The following KSR1 variants were observed in gnomAD, a reference collection of about 807,000 sequenced individuals.
KSR1 encodes the protein kinase suppressor of ras.
A neutral mutation model predicts 92.9 loss-of-function variants in KSR1; 35 were observed. The ratio of observed to expected loss-of-function variants is 0.38; its 90% CI spans 0.29 to 0.50. The LOEUF (loss-of-function observed/expected upper bound fraction) is 0.50. Among genes scored for constraint, KSR1 ranks in the 20% least tolerant of loss-of-function variants. The pLI, the probability that KSR1 is intolerant of heterozygous loss-of-function variation, is 0.94. For missense variants in KSR1, 972 were observed against 1,158.5 expected (o/e 0.84, Z 2.34); for synonymous variants, 467 against 472.6 (o/e 0.99, Z 0.15).
At chr17:27,475,665 C>G (rs1188559905) in intron 1 of KSR1, among the ~76,000 whole-genome samples, 2 of 152,194 alleles carry the variant, frequency 1.3e-5, no homozygotes, top group South Asian at 4.1e-4. Context: ...AGGGGTGTTC[C>G]TCCTGAGGCA....
At chr17:27,622,040 G>A (rs1440070368) in intron 20 of KSR1, 2 of 1,011,222 alleles carry the variant, frequency 2.0e-6, no homozygotes, top group African/African-American at 1.6e-5. Context: ...CTAACCCAGG[G>A]GATGCCACCT....
At chr17:27,490,876 C>T (rs761669850) in intron 1 of KSR1, among the ~76,000 whole-genome samples, 1 of 152,068 alleles carries the variant, frequency 6.6e-6, no homozygotes, top group Non-Finnish European at 1.5e-5. Context: ...GTTAGAGACA[C>T]CTAAATGTCC....
At chr17:27,468,841 C>G (rs1231399300) in intron 1 of KSR1, among the ~76,000 whole-genome samples, 1 of 152,226 alleles carries the variant, frequency 6.6e-6, no homozygotes, top group Admixed American at 6.5e-5. Flanking sequence ...GGTGCTTTCC[C>G]TGTCCCACAG....
chr17:27,604,072 C>T (rs992351920), intron 12 of KSR1, among the ~76,000 whole-genome samples, 184 bp downstream of exon 12: 12 of 152,114 alleles, frequency 7.9e-5, no homozygotes, highest in Non-Finnish European at 1.3e-4. Flanking sequence ...CCTATCAGTG[C>T]GGTCAACATT....
At chr17:27,593,308 A>G (rs184720502) in intron 9 of KSR1, among the ~76,000 whole-genome samples, 28 of 152,376 alleles carry the variant, frequency 1.8e-4, no homozygotes, top group African/African-American at 5.3e-4. Context: ...GGGAGGTGCC[A>G]GTGCTGATGG....
chr17:27,617,462 C>G (rs1567895459), intron 19 of KSR1, 34 bp downstream of exon 19: 2 of 1,586,578 alleles, frequency 1.3e-6, no homozygotes, highest in East Asian at 4.5e-5. Flanking sequence ...GACTGCCAGC[C>G]AGGCCCTCGC....
intron 1 of KSR1, among the ~76,000 whole-genome samples, chr17:27,549,803 TATC>T (rs1490969186): frequency 6.6e-6 from 1 of 152,148 alleles, no homozygotes; most frequent in African/African-American, 2.4e-5. Flanking sequence ...CAGCTTCTAT[TATC>T]CCCATTTTTC....
At chr17:27,499,504 A>G (rs1446598737) in intron 1 of KSR1, among the ~76,000 whole-genome samples, 1 of 152,224 alleles carries the variant, frequency 6.6e-6, no homozygotes. Context: ...CTTCATTTCT[A>G]AGAAATTTCC....
chr17:27,564,257 T>C lies in KSR1; in HGVS notation c.373-13235T>C, dbSNP rs553730611. Among the ~76,000 whole-genome samples the C allele has an allele frequency of 3.9e-5, 6 of 152,202 alleles. No homozygotes were observed. The South Asian group carries it at 8.3e-4, about 21-fold the overall frequency. On this transcript the variant is annotated intron_variant, in intron 2 of 20. Coordinates refer to ENST00000644974, the MANE Select transcript of KSR1 (RefSeq NM_001394583.1). ...CTGCCTGCCTCGGCCTCCCAAAGTG[T>C]TGGGATTATAGGCGTGAGCCCCCGC...
At position 27,473,078 on chromosome 17, in the gene KSR1, G is replaced by A. The variant is rs111948562; in HGVS notation, c.231+16204G>A. 3.2e-3 allele frequency among the ~76,000 whole-genome samples: 489 copies of A among 152,242 alleles called. 3 individuals are homozygous for A. The highest frequency in any genetic ancestry group is 2.8e-3 in the Non-Finnish European group (193 of 68,032). ...GCCACCATGCCCAGCTAGTACCCAG[G>A]TTTAAGGCAGCAAGATTCTGACAGC... On this transcript the variant is annotated intron_variant, in intron 1 of 20. Transcript: ENST00000644974.
At chr17:27,548,536 G>A (rs2071271365) in intron 1 of KSR1, among the ~76,000 whole-genome samples, 2 of 150,754 alleles carry the variant, frequency 1.3e-5, no homozygotes, top group Non-Finnish European at 3.0e-5. Context: ...CAAGTGATCT[G>A]CCCACCTTAG....
At chr17:27,499,694 A>G (rs781166148) in intron 1 of KSR1, among the ~76,000 whole-genome samples, 1 of 152,230 alleles carries the variant, frequency 6.6e-6, no homozygotes, top group Non-Finnish European at 1.5e-5. Flanking sequence ...TGTCATCTTC[A>G]TGTGCTCCCC....
At chr17:27,508,570 C>T (rs1203773672) in intron 1 of KSR1, among the ~76,000 whole-genome samples, 3 of 152,074 alleles carry the variant, frequency 2.0e-5, no homozygotes, top group Admixed American at 6.5e-5. Flanking sequence ...CTCTTCTCTC[C>T]AACCCTCAGT....
chr17:27,527,239 C>T (rs1332001042), intron 1 of KSR1: 3 of 222,932 alleles, frequency 1.3e-5, no homozygotes, highest in Non-Finnish European at 1.9e-5. Context: ...ACTATATTTC[C>T]CCTGGCCGCC....
intron 2 of KSR1, among the ~76,000 whole-genome samples, chr17:27,565,079 T>G (rs1397360341): frequency 1.3e-5 from 2 of 152,234 alleles, no homozygotes; most frequent in African/African-American, 2.4e-5. Context: ...ATCCAGTAAT[T>G]TACATATATG....
At chr17:27,466,566 C>A (rs889573429) in intron 1 of KSR1, among the ~76,000 whole-genome samples, 1 of 152,196 alleles carries the variant, frequency 6.6e-6, no homozygotes, top group East Asian at 1.9e-4. Flanking sequence ...CATGATCCCC[C>A]TGATGGGCAG....
chr17:27,466,368 G>A (rs1851506), intron 1 of KSR1, among the ~76,000 whole-genome samples: 15,779 of 152,194 alleles, frequency 0.1, 924 homozygotes, highest in African/African-American at 0.14. Flanking sequence ...GGTGTCTCCT[G>A]GGCATCACAT....
intron 1 of KSR1, among the ~76,000 whole-genome samples, chr17:27,469,482 C>T (rs780663530): frequency 2.0e-5 from 3 of 152,234 alleles, no homozygotes; most frequent in Non-Finnish European, 4.4e-5. Flanking sequence ...CCAGGATGTG[C>T]GGGGACTCTG....
intron 1 of KSR1, among the ~76,000 whole-genome samples, chr17:27,526,048 C>CTTT (rs2070267078): frequency 1.8e-3 from 29 of 16,372 alleles, no homozygotes; most frequent in East Asian, 8.8e-3. Flanking sequence ...TTTTCTTTCT[C>CTTT]TCTCTCTCTC....
Sources: allele counts gnomAD v4.1 joint callset (sites outside exome capture counted in the v4.1 genomes callset), GRCh38; gene constraint gnomAD v4.1.1; transcripts MANE v1.5; gene names NCBI Gene and HGNC (gene_info 2026-07-23, HGNC 2026-07-21).